The following CCM2L variants were observed in gnomAD, a reference collection of about 807,000 sequenced individuals.
CCM2L encodes cerebral cavernous malformations 2 protein-like.
In CCM2L, 36 loss-of-function variants were observed where a neutral mutation model predicts 54.1. The ratio of observed to expected loss-of-function variants is 0.67; its 90% confidence interval spans 0.51 to 0.88. The LOEUF is 0.88. Ranked by LOEUF, CCM2L falls within the 40% of genes least tolerant of loss-of-function variation. CCM2L has a pLI of 0.00. For missense variants in CCM2L, 700 were observed against 812.1 expected (o/e 0.86, Z 1.68); for synonymous variants, 351 against 359.3 (o/e 0.98, Z 0.26).
At chr20:32,026,653 A>G (rs1307017869) in intron 7 of CCM2L, among the ~76,000 whole-genome samples, 8 of 152,202 alleles carry the variant, frequency 5.3e-5, no homozygotes, top group Admixed American at 2.0e-4. Flanking sequence ...AGGCAGGTGG[A>G]TCGCTTGAGC....
intron 7 of CCM2L, among the ~76,000 whole-genome samples, chr20:32,027,394 A>G (rs897861068): frequency 4.6e-5 from 7 of 152,232 alleles, no homozygotes; most frequent in Admixed American, 2.0e-4. Context: ...TGAACTTGCT[A>G]TGTACTAAGT....
intron 8 of CCM2L, 111 bp from the exon 9 acceptor site, chr20:32,029,589 T>C: frequency 7.2e-7 from 1 of 1,389,856 alleles, no homozygotes; most frequent in Non-Finnish European, 9.6e-7. Context: ...GGGAAGGTTT[T>C]CAGAGGAGAG....
At chr20:32,030,943 C>A in intron 9 of CCM2L, 58 bp from the exon 10 acceptor site, 3 of 1,282,666 alleles carry the variant, frequency 2.3e-6, no homozygotes, top group Non-Finnish European at 3.1e-6. Flanking sequence ...AGGACGCTTC[C>A]CCTGTGGAAG....
intron 6 of CCM2L, 79 bp from the exon 7 acceptor site, chr20:32,025,777 G>A: frequency 6.6e-6 from 7 of 1,053,304 alleles, no homozygotes; most frequent in Non-Finnish European, 9.1e-6. Flanking sequence ...GGCTGAGACT[G>A]AGGGTGGGGC....
chr20:32,029,468 A>T (rs1051226081), intron 8 of CCM2L, among the ~76,000 whole-genome samples: 1 of 152,190 alleles, frequency 6.6e-6, no homozygotes, highest in Non-Finnish European at 1.5e-5. Flanking sequence ...CCTACCCAAG[A>T]TCACAGAGCT....
intron 6 of CCM2L, 80 bp downstream of exon 6, chr20:32,022,875 G>C: frequency 6.6e-7 from 1 of 1,511,164 alleles, no homozygotes; most frequent in South Asian, 1.2e-5. Flanking sequence ...CCAGGACTTG[G>C]GCTGATGAAG....
At chr20:32,025,081 TTC>T (rs143923688) in intron 6 of CCM2L, among the ~76,000 whole-genome samples, 2,433 of 149,924 alleles carry the variant, frequency 0.016, 48 homozygotes, top group African/African-American at 0.056. Context: ...CTTTCTTTCT[TTC>T]TCTCTTTCTT....
Position 32,014,930 on chromosome 20 carries a change from G to C in CCM2L, c.57G>C (p.Leu19=), listed in dbSNP as rs143768331. 8.4e-5 allele frequency: 135 copies of C among 1,601,190 alleles called. No homozygotes were observed. In the African/African-American group the frequency reaches 1.6e-3, roughly 19 times the overall value. ...KKGFVSPIRR[L]VFPKAGRRAA... is the part of the protein sequence containing the mutation. ...GCTTTGTATCCCCCATCCGAAGGCT[G>C]GTGTTCCCCAAGGCCGGGCGCCGGG... Residue 19 remains leucine, a synonymous_variant, in exon 2 of 10, where the codon CTG becomes CTC. Coordinates refer to ENST00000452892, the MANE Select transcript of CCM2L (RefSeq NM_001365692.1).
At position 32,025,880 on chromosome 20, in the gene CCM2L, C is replaced by G; in HGVS notation, c.1094C>G (p.Thr365Arg). 1 of 1,304,082 alleles carries G rather than the reference C, an allele frequency of 7.7e-7. No homozygotes were observed. The allele number at this position is 1,304,082 out of a possible 1,614,324, so 80.8% of individuals were successfully genotyped here. A position where few individuals can be genotyped will look rare whatever the true frequency, so the allele number is the denominator to read the frequency against. ...GGTGAGAGCTGCCACACAGATGGGA[C>G]GTATGCCTATGATGCCGACTTCAGC... ...SRSESCHTDG[T>R]YAYDADFSCC... is the part of the protein sequence containing the mutation. The change falls in exon 7 of 10, where the codon ACG (threonine) becomes AGG (arginine). Residue 365 changes from threonine (T) to arginine (R), a missense_variant. Transcript: ENST00000452892.
At chr20:32,012,473 G>A (rs886502514) in intron 1 of CCM2L, among the ~76,000 whole-genome samples, 12 of 152,128 alleles carry the variant, frequency 7.9e-5, no homozygotes, top group African/African-American at 2.9e-4. Flanking sequence ...TGGGAGGATC[G>A]CTGAGTCAGA....
At chr20:32,021,537 A>G (rs1234224413) in intron 5 of CCM2L, among the ~76,000 whole-genome samples, 1 of 152,076 alleles carries the variant, frequency 6.6e-6, no homozygotes, top group African/African-American at 2.4e-5. Flanking sequence ...TGTGCCTGTC[A>G]TGCAGCTACT....
At chr20:32,014,234 T>C (rs2064718063) in intron 1 of CCM2L, among the ~76,000 whole-genome samples, 1 of 146,056 alleles carries the variant, frequency 6.8e-6, no homozygotes, top group South Asian at 2.1e-4. Flanking sequence ...ATGATTTATA[T>C]ATATGTGTGT....
At chr20:32,013,459 T>C (rs1289333093) in intron 1 of CCM2L, among the ~76,000 whole-genome samples, 1 of 152,078 alleles carries the variant, frequency 6.6e-6, no homozygotes, top group Non-Finnish European at 1.5e-5. Context: ...GTTTTGTTCC[T>C]TCGACAAGGT....
Position 32,019,158 on chromosome 20 carries a change from C to T in CCM2L, c.682C>T (p.Arg228Cys). The T allele has an allele frequency of 9.0e-7, 1 of 1,111,592 alleles. No individual in the cohort carries two copies. The highest frequency in any genetic ancestry group is 1.1e-6 in the Non-Finnish European group (1 of 904,288). 68.9% of individuals were successfully genotyped at this position (1,111,592 alleles called of 1,614,324 possible). Residue 228 changes from arginine to cysteine, a missense_variant, in exon 5 of 10, where the codon CGC becomes TGC. Arg to Cys is a radical substitution (Grantham distance 180). Coordinates refer to ENST00000452892, the MANE Select transcript of CCM2L (RefSeq NM_001365692.1). ...CGGCGGCGGCAGCTTGGAGCGCCAG[C>T]GCGCCGGGGCGCGGGCGTCGGGCAG... The part of the protein sequence containing the change: ...GGGGGSLERQ[R>C]AGARASGSWE...
intron 1 of CCM2L, 66 bp downstream of exon 1, chr20:32,010,550 T>TGGGG: frequency 1.5e-5 from 1 of 64,760 alleles, no homozygotes; most frequent in Non-Finnish European, 2.8e-5. Context: ...GGGGGCAAAC[T>TGGGG]GGGGCGGGGT....
intron 4 of CCM2L, 77 bp from the exon 5 acceptor site, chr20:32,018,866 G>C: frequency 8.1e-7 from 1 of 1,238,376 alleles, no homozygotes; most frequent in Non-Finnish European, 1.0e-6. Flanking sequence ...GAGGTCAGGT[G>C]GCCAGCCGGC....
At chr20:32,029,388 C>A (rs1194282414) in intron 8 of CCM2L, among the ~76,000 whole-genome samples, 1 of 152,124 alleles carries the variant, frequency 6.6e-6, no homozygotes, top group Non-Finnish European at 1.5e-5. Context: ...TTTTCAACAA[C>A]CCCAAGAAGA....
chr20:32,020,877 G>A (rs1474218340), intron 5 of CCM2L, among the ~76,000 whole-genome samples: 1 of 152,066 alleles, frequency 6.6e-6, no homozygotes, highest in African/African-American at 2.4e-5. Context: ...TCAGCTACTT[G>A]GGAGGCTGAA....
At chr20:32,017,621 G>C (rs1231123562) in intron 2 of CCM2L, among the ~76,000 whole-genome samples, 179 bp from the exon 3 acceptor site, 2 of 152,158 alleles carry the variant, frequency 1.3e-5, no homozygotes, top group Non-Finnish European at 2.9e-5. Flanking sequence ...TGAATATATA[G>C]AGAGCGCTCA....
Sources: gnomAD v4.1 joint callset for allele counts (sites outside exome capture counted in the v4.1 genomes callset) on GRCh38, gnomAD v4.1.1 for gene constraint, MANE v1.5 for transcripts, NCBI Gene and HGNC (gene_info 2026-07-23, HGNC 2026-07-21) for gene names.